Variants in DTNB observed in about 807,000 individuals in gnomAD.
DTNB encodes DTN-B.
A neutral mutation model predicts 90.7 loss-of-function variants in DTNB; 63 were observed. That is an observed-to-expected ratio of 0.69 (90% CI 0.57 to 0.86). The LOEUF is 0.86. Among genes scored for constraint, DTNB ranks in the 40% least tolerant of loss-of-function variants. The pLI is 0.00. For synonymous variants in DTNB, 277 were observed against 286.7 expected (o/e 0.97, Z 0.34); for missense variants, 744 against 807.1 (o/e 0.92, Z 0.95).
In DTNB at chr2:25,433,930, T is replaced by C; in HGVS notation, c.1323A>G (p.Ala441=). 6.2e-7 allele frequency: 1 copy of C among 1,613,884 alleles called. No individual in the cohort carries two copies. Among genetic ancestry groups the C allele is most frequent in the Non-Finnish European group, 8.5e-7 (1 of 1,179,836 alleles). Residue 441 remains alanine, a synonymous_variant, in exon 13 of 21, where the codon GCA becomes GCG. Coordinates refer to ENST00000406818, the MANE Select transcript of DTNB (RefSeq NM_021907.5). ...DANKQQRQLI[A]ELENKNREIL... is the part of the protein sequence containing the mutation. ...CTTACCTGTTTTTGTTTTCCAGTTCTGCAATAAGCTGTCTTTGTTGTTTGT... is the reference window on the plus strand; with the variant it reads ...CTTACCTGTTTTTGTTTTCCAGTTCCGCAATAAGCTGTCTTTGTTGTTTGT...
chr2:25,461,890 C>A (rs1435325061), intron 10 of DTNB, among the ~76,000 whole-genome samples: 1 of 152,178 alleles, frequency 6.6e-6, no homozygotes, highest in Admixed American at 6.5e-5. Flanking sequence ...AAGGTCAGTA[C>A]AACGACCACA....
chr2:25,511,182 T>C (rs969413084), intron 9 of DTNB, among the ~76,000 whole-genome samples: 2 of 152,192 alleles, frequency 1.3e-5, no homozygotes, highest in Non-Finnish European at 2.9e-5. Context: ...CCTAAACCTA[T>C]ATGGAAACAC....
At chr2:25,552,741 G>A (rs2056528812) in intron 8 of DTNB, among the ~76,000 whole-genome samples, 1 of 150,808 alleles carries the variant, frequency 6.6e-6, no homozygotes, top group South Asian at 2.1e-4. Flanking sequence ...AGCCTCAGAA[G>A]TAAGGTGCCC....
At chr2:25,560,959 C>T (rs1290714518) in intron 8 of DTNB, among the ~76,000 whole-genome samples, 5 of 152,158 alleles carry the variant, frequency 3.3e-5, no homozygotes, top group Non-Finnish European at 5.9e-5. Flanking sequence ...CAACTGTTCT[C>T]CCACCCTATG....
At chr2:25,525,892 G>A (rs1480548997) in intron 9 of DTNB, among the ~76,000 whole-genome samples, 1 of 152,016 alleles carries the variant, frequency 6.6e-6, no homozygotes, top group Non-Finnish European at 1.5e-5. Flanking sequence ...TAAGATAAGA[G>A]GACTGGTTGA....
At chr2:25,658,778 T>C (rs1305331245) in intron 1 of DTNB, among the ~76,000 whole-genome samples, 1 of 152,160 alleles carries the variant, frequency 6.6e-6, no homozygotes, top group Non-Finnish European at 1.5e-5. Flanking sequence ...GGCAGTGAAC[T>C]GAGTAGGTGA....
At chr2:25,550,156 C>T (rs1335629005) in intron 8 of DTNB, among the ~76,000 whole-genome samples, 1 of 152,046 alleles carries the variant, frequency 6.6e-6, no homozygotes, top group Non-Finnish European at 1.5e-5. Context: ...CTTTGGGAGG[C>T]CAAGGTGGGC....
chr2:25,549,652 T>C (rs747803157), intron 8 of DTNB, among the ~76,000 whole-genome samples: 29 of 152,286 alleles, frequency 1.9e-4, no homozygotes, highest in Middle Eastern at 3.4e-3. Context: ...TCCTGATTTA[T>C]TTGCTTCCTT....
intron 16 of DTNB, among the ~76,000 whole-genome samples, chr2:25,412,926 C>A (rs895310889): frequency 3.3e-5 from 5 of 152,330 alleles, no homozygotes; most frequent in African/African-American, 1.2e-4. Context: ...GTAGGGACTT[C>A]ATCAGTCTCT....
intron 16 of DTNB, among the ~76,000 whole-genome samples, chr2:25,413,060 A>G (rs1417303202): frequency 6.6e-6 from 1 of 152,216 alleles, no homozygotes; most frequent in Non-Finnish European, 1.5e-5. Context: ...AACTATAGAT[A>G]TCCTGCATTT....
intron 9 of DTNB, among the ~76,000 whole-genome samples, chr2:25,515,897 A>G (rs966411654): frequency 6.6e-6 from 1 of 152,154 alleles, no homozygotes; most frequent in Non-Finnish European, 1.5e-5. Context: ...TAAGATGTTA[A>G]CAACAGGGGA....
At chr2:25,434,100 A>G (rs1160518429) in intron 12 of DTNB, 105 bp from the exon 13 acceptor site, 9 of 1,043,628 alleles carry the variant, frequency 8.6e-6, no homozygotes, top group South Asian at 1.5e-5. Flanking sequence ...TATAATTTAC[A>G]TATCATAAAT....
At chr2:25,667,403 C>T (rs899999245) in intron 1 of DTNB, among the ~76,000 whole-genome samples, 1 of 151,872 alleles carries the variant, frequency 6.6e-6, no homozygotes, top group Non-Finnish European at 1.5e-5. Context: ...GCAGGAGAAT[C>T]GCTTGAACCT....
At chr2:25,642,612 A>G (rs770283136) in intron 2 of DTNB, among the ~76,000 whole-genome samples, 10 of 151,022 alleles carry the variant, frequency 6.6e-5, no homozygotes, top group Non-Finnish European at 1.0e-4. Flanking sequence ...GGGTTTCACT[A>G]TGTTGCCCAG....
At chr2:25,500,931 C>A (rs972662242) in intron 9 of DTNB, among the ~76,000 whole-genome samples, 1 of 152,226 alleles carries the variant, frequency 6.6e-6, no homozygotes, top group African/African-American at 2.4e-5. Flanking sequence ...GGACTGCTGG[C>A]CACTTTTGAG....
At chr2:25,604,874 C>T (rs1291609755) in intron 5 of DTNB, among the ~76,000 whole-genome samples, 1 of 152,302 alleles carries the variant, frequency 6.6e-6, no homozygotes, top group South Asian at 2.1e-4. Flanking sequence ...GCGGGAGCCA[C>T]TGCACCCGGC....
chr2:25,633,361 T>C (rs2148767264), intron 3 of DTNB, among the ~76,000 whole-genome samples: 1 of 152,250 alleles, frequency 6.6e-6, no homozygotes, highest in African/African-American at 2.4e-5. Flanking sequence ...AGACGGGGTT[T>C]CGCTGTGTTG....
Position 25,387,374 on chromosome 2 carries a change from C to A in DTNB, c.1740G>T (p.Thr580=). 1 of 1,611,866 alleles carries A rather than the reference C, an allele frequency of 6.2e-7. No individual in the cohort carries two copies. The highest frequency in any genetic ancestry group is 1.1e-5 in the South Asian group (1 of 90,958). ...GCAGGTCATTGCGGAGGTTTCTCCT[C>A]GTACCTGAGGAGAGGCAGAGCAGAT... ...GDVQEAFAQG[T]RRNLRNDLLV... The change falls in exon 18 of 21, where the codon ACG becomes ACT. Residue 580 remains threonine (T), a synonymous_variant. Transcript: ENST00000406818. The surrounding 1 kb of genome is among the most constrained non-coding windows in gnomAD (Gnocchi z 4.5).
At chr2:25,655,350 C>G (rs1295109839) in intron 1 of DTNB, among the ~76,000 whole-genome samples, 2 of 152,140 alleles carry the variant, frequency 1.3e-5, no homozygotes, top group Admixed American at 1.3e-4. Context: ...ATGTGCCTAC[C>G]TCCCTCATTG....
Sources: gnomAD v4.1 joint callset for allele counts (sites outside exome capture counted in the v4.1 genomes callset) on GRCh38, gnomAD v4.1.1 for gene constraint, Gnocchi (gnomAD v3.1) non-coding constraint, MANE v1.5 for transcripts, NCBI Gene and HGNC (gene_info 2026-07-23, HGNC 2026-07-21) for gene names.